P2RY6: variants seen among roughly 807,000 people sequenced by gnomAD.
The protein encoded by P2RY6 is P2Y purinoceptor 6.
In P2RY6, 19 loss-of-function variants were observed where a neutral mutation model predicts 16.3. That is an observed-to-expected ratio of 1.16 (90% CI 0.81 to 1.71). The LOEUF is 1.71. Among genes scored for constraint, P2RY6 ranks in the 40% most tolerant of loss-of-function variants. P2RY6 has a pLI of 0.00. For synonymous variants in P2RY6, 184 were observed against 201.5 expected, an observed-to-expected ratio of 0.91 and a Z score of 0.74; for missense variants, 389 against 455.5, an observed-to-expected ratio of 0.85 and a Z score of 1.33.
chr11:73,278,114 C>T (rs1251539576), intron 1 of P2RY6, among the ~76,000 whole-genome samples: 1 of 152,074 alleles, frequency 6.6e-6, no homozygotes, highest in Non-Finnish European at 1.5e-5. Context: ...GTTGTGCAGC[C>T]ATCACATCAC....
At chr11:73,278,714 C>G (rs1288487533) in intron 1 of P2RY6, among the ~76,000 whole-genome samples, 1 of 152,148 alleles carries the variant, frequency 6.6e-6, no homozygotes, top group Non-Finnish European at 1.5e-5. Flanking sequence ...TTTTTTAAGG[C>G]TGAATAATAA....
chr11:73,296,449 A>G, intron 2 of P2RY6, 36 bp from the exon 3 acceptor site: 1 of 1,564,104 alleles, frequency 6.4e-7, no homozygotes, highest in Non-Finnish European at 8.7e-7. Context: ...GTGGTGAGTG[A>G]GCATGTCACT....
At chr11:73,269,241 G>C (rs1356922747), upstream of P2RY6, among the ~76,000 whole-genome samples, 1 of 152,164 alleles carries the variant, frequency 6.6e-6, no homozygotes, top group Non-Finnish European at 1.5e-5. Flanking sequence ...GGCTGTGGAG[G>C]GGTCAGTGCC....
Position 73,272,456 on chromosome 11 carries a change from C to A in P2RY6, c.-131C>A. 1.0e-6 allele frequency: 1 copy of A among 985,526 alleles called. No homozygotes were observed. Among genetic ancestry groups the A allele is most frequent in the Non-Finnish European group, 1.2e-6 (1 of 829,980 alleles). The allele number at this position is 985,526 out of a possible 1,614,324, so 61.0% of individuals were successfully genotyped here. ...TCACGGACTGCAAGCGAGGCACTTG[C>A]TAACTCTTGGGTGAGTTTTCTGGGT... is the stretch of plus-strand genomic sequence containing the variant. On this transcript the variant is annotated 5_prime_UTR_variant, in exon 1 of 3. Transcript: ENST00000540124.
intron 1 of P2RY6, chr11:73,264,705 AGGGAGGCCTGCCCACTCCAGGGTCGC>A (rs1013440627): frequency 6.6e-6 from 1 of 152,438 alleles, no homozygotes; most frequent in Non-Finnish European, 1.5e-5. Context: ...GCGGGGATAC[AGGGAGGCCTGCCCACTCCAGGGTCGC>A]GGCCAGTCAG....
chr11:73,288,417 A>G (rs919495856), intron 1 of P2RY6, among the ~76,000 whole-genome samples: 2 of 152,068 alleles, frequency 1.3e-5, no homozygotes, highest in Middle Eastern at 3.2e-3. Context: ...ATTCCTGTTG[A>G]GTGGGAGGTT....
rs377684373 is a variant in P2RY6, at chr11:73,297,457, T to C, written c.939T>C (p.His313=). The change falls in exon 3 of 3, where the codon CAT becomes CAC. Residue 313 remains histidine (H), a synonymous_variant. Coordinates refer to ENST00000540124, the MANE Select transcript of P2RY6 (RefSeq NM_001277204.2). ...AGAAGAAGTTCCGCCGGCGACCACA[T>C]GAGCTCCTACAGAAACTCACAGCCA... ...FTQKKFRRRP[H]ELLQKLTAKW... The C allele has an allele frequency of 3.1e-6, 5 of 1,612,332 alleles. No individual in the cohort carries two copies. Among genetic ancestry groups the C allele is most frequent in the South Asian group, 1.1e-5 (1 of 91,084 alleles).
At chr11:73,269,124 A>G (rs373801558), upstream of P2RY6, among the ~76,000 whole-genome samples, 9 of 152,152 alleles carry the variant, frequency 5.9e-5, no homozygotes, top group Admixed American at 2.0e-4. Flanking sequence ...CTGGCCAGCT[A>G]GTGGTGAGCA....
upstream of P2RY6, among the ~76,000 whole-genome samples, chr11:73,270,863 C>T (rs1863273789): frequency 6.6e-6 from 1 of 152,110 alleles, no homozygotes. Context: ...GGTGATCTGG[C>T]AAATCTAGAT....
chr11:73,289,317 G>C (rs894874202), intron 1 of P2RY6: 5 of 152,370 alleles, frequency 3.3e-5, no homozygotes, highest in Non-Finnish European at 7.3e-5. Flanking sequence ...AGGTGTACCC[G>C]GGTGGAGATG....
intron 1 of P2RY6, among the ~76,000 whole-genome samples, chr11:73,289,828 G>A (rs1253850443): frequency 6.6e-6 from 1 of 152,182 alleles, no homozygotes; most frequent in African/African-American, 2.4e-5. Flanking sequence ...GGCCCTTCCT[G>A]AGCCTTAGTT....
intron 1 of P2RY6, among the ~76,000 whole-genome samples, chr11:73,290,348 A>AAAGAAAGG (rs1864181813): frequency 7.0e-6 from 1 of 142,164 alleles, no homozygotes; most frequent in Admixed American, 6.9e-5. Flanking sequence ...AGAAAGAAAG[A>AAAGAAAGG]AAGAAAGAAA....
intron 1 of P2RY6, among the ~76,000 whole-genome samples, chr11:73,281,750 G>A (rs1172207362): frequency 1.3e-5 from 2 of 152,210 alleles, no homozygotes; most frequent in East Asian, 3.8e-4. Flanking sequence ...GCTATCCCAG[G>A]AGCCGAATGT....
intron 1 of P2RY6, among the ~76,000 whole-genome samples, chr11:73,288,401 G>A (rs777361523): frequency 3.3e-5 from 5 of 152,216 alleles, no homozygotes; most frequent in African/African-American, 4.8e-5. Context: ...TTCAGTTTTA[G>A]CTTTAATTCC....
chr11:73,271,154 C>T (rs775662162), upstream of P2RY6, among the ~76,000 whole-genome samples: 8 of 152,048 alleles, frequency 5.3e-5, no homozygotes, highest in African/African-American at 1.2e-4. Flanking sequence ...ATCTTACAGA[C>T]GGGGAGGGCC....
chr11:73,295,930 T>G (rs1463902333), intron 2 of P2RY6, 115 bp downstream of exon 2: 2 of 229,338 alleles, frequency 8.7e-6, no homozygotes, highest in Non-Finnish European at 1.4e-5. Flanking sequence ...CAGGCAGGTC[T>G]CAGTCTCTGA....
chr11:73,297,452 C>G lies in P2RY6; in HGVS notation c.934C>G (p.Pro312Ala). The G allele has an allele frequency of 6.2e-7, 1 of 1,612,634 alleles. No individual in the cohort carries two copies. The highest frequency in any genetic ancestry group is 1.1e-5 in the South Asian group (1 of 91,088). Residue 312 changes from proline (P) to alanine (A), a missense_variant, in exon 3 of 3, where the codon CCA becomes GCA. Transcript: ENST00000540124. ...CACCCAGAAGAAGTTCCGCCGGCGA[C>G]CACATGAGCTCCTACAGAAACTCAC... ...YFTQKKFRRR[P>A]HELLQKLTAK...
At chr11:73,269,480 C>T (rs993136209), upstream of P2RY6, among the ~76,000 whole-genome samples, 9 of 152,310 alleles carry the variant, frequency 5.9e-5, no homozygotes, top group East Asian at 1.9e-4. Context: ...ATAAGGATTT[C>T]GGAGCCTGGG....
intron 1 of P2RY6, among the ~76,000 whole-genome samples, chr11:73,279,577 A>G (rs1323558909): frequency 3.3e-5 from 5 of 152,206 alleles, no homozygotes; most frequent in African/African-American, 9.7e-5. Context: ...TGCCATGAAC[A>G]TCTCTCTCCT....
Sources: allele counts gnomAD v4.1 joint callset (sites outside exome capture counted in the v4.1 genomes callset), GRCh38; gene constraint gnomAD v4.1.1; transcripts MANE v1.5; gene names NCBI Gene and HGNC (gene_info 2026-07-23, HGNC 2026-07-21).